Variants in CACNA2D3 observed in about 807,000 individuals in gnomAD.
The protein encoded by CACNA2D3 is calcium voltage-gated channel auxiliary subunit alpha2delta 3, also known as voltage-dependent calcium channel subunit alpha-2/delta-3.
Under a neutral mutation model 160.6 loss-of-function variants are expected in CACNA2D3, and 60 were observed. The ratio of observed to expected loss-of-function variants is 0.37; its 90% CI spans 0.30 to 0.46. The LOEUF (loss-of-function observed/expected upper bound fraction) is 0.46. Ranked by LOEUF, CACNA2D3 falls within the 20% of genes least tolerant of loss-of-function variation. The probability of loss-of-function intolerance (pLI) is 1.00; values close to 1 mark genes in which losing one functional copy is unlikely to be tolerated. For synonymous variants in CACNA2D3, 558 were observed against 492.9 expected, an observed-to-expected ratio of 1.13 and a Z score of -1.75; for missense variants, 1,205 against 1,365.0, an observed-to-expected ratio of 0.88 and a Z score of 1.85.
intron 2 of CACNA2D3, among the ~76,000 whole-genome samples, chr3:54,141,071 G>GTGTGTA (rs1424827688): frequency 3.2e-5 from 4 of 126,482 alleles, no homozygotes; most frequent in Non-Finnish European, 6.4e-5. Context: ...CTGTGTGTGT[G>GTGTGTA]TGTGTGTGTG....
intron 2 of CACNA2D3, among the ~76,000 whole-genome samples, chr3:54,310,811 C>T (rs1339487270): frequency 1.3e-5 from 2 of 152,200 alleles, no homozygotes; most frequent in Non-Finnish European, 2.9e-5. Context: ...GCGTACTTTA[C>T]ACACTTCACA....
chr3:54,536,182 A>T (rs1436293466), intron 5 of CACNA2D3, among the ~76,000 whole-genome samples: 1 of 152,156 alleles, frequency 6.6e-6, no homozygotes, highest in Non-Finnish European at 1.5e-5. Context: ...CTAGTGAAAA[A>T]CTGCCAGGCT....
chr3:54,283,939 G>A (rs1026004316), intron 2 of CACNA2D3, among the ~76,000 whole-genome samples: 12 of 152,154 alleles, frequency 7.9e-5, no homozygotes, highest in African/African-American at 2.9e-4. Context: ...GTGCGTGGCT[G>A]TAGTCCCAGC....
At chr3:54,288,440 C>A (rs544112264) in intron 2 of CACNA2D3, among the ~76,000 whole-genome samples, 6 of 152,086 alleles carry the variant, frequency 3.9e-5, no homozygotes, top group South Asian at 2.1e-4. Flanking sequence ...ATAGCTTACC[C>A]ACCAAAAAGA....
rs181602980 is a variant in CACNA2D3, at chr3:54,152,281, G to C, written c.204+28687G>C. Among the ~76,000 whole-genome samples the C allele has an allele frequency of 1.4e-3, 215 of 152,226 alleles. 1 individual carries two copies. The highest frequency in any genetic ancestry group is 4.9e-3 in the African/African-American group (203 of 41,554). ...GGGGCATTGTGCTGTGGTTGAGTGCGCTACACGCCACACCTGTGGATTTCG... is the reference window on the plus strand; with the variant it reads ...GGGGCATTGTGCTGTGGTTGAGTGCCCTACACGCCACACCTGTGGATTTCG... On this transcript the variant is annotated intron_variant, in intron 2 of 37. Coordinates refer to ENST00000474759, the MANE Select transcript of CACNA2D3 (RefSeq NM_018398.3).
chr3:54,464,238 A>C (rs941066461), intron 4 of CACNA2D3, among the ~76,000 whole-genome samples: 6 of 152,182 alleles, frequency 3.9e-5, no homozygotes, highest in African/African-American at 1.4e-4. Flanking sequence ...GACCCACTTG[A>C]GGAGGCAGTC....
chr3:54,277,395 G>T (rs1487207042), intron 2 of CACNA2D3, among the ~76,000 whole-genome samples: 2 of 152,094 alleles, frequency 1.3e-5, no homozygotes, highest in African/African-American at 2.4e-5. Flanking sequence ...ATCCTTTCCC[G>T]ATTGCTTGTT....
chr3:54,549,025 CT>C (rs1284139975), intron 5 of CACNA2D3, among the ~76,000 whole-genome samples: 3 of 152,302 alleles, frequency 2.0e-5, no homozygotes, highest in African/African-American at 7.2e-5. Context: ...AAGCAAATTC[CT>C]TTTCCCTGTC....
At chr3:54,379,419 T>TA in intron 3 of CACNA2D3, among the ~76,000 whole-genome samples, 1 of 152,308 alleles carries the variant, frequency 6.6e-6, no homozygotes, top group East Asian at 1.9e-4. Flanking sequence ...AATCGAAAAG[T>TA]AAAAAACATT....
At chr3:54,216,433 G>A (rs773010078) in intron 2 of CACNA2D3, among the ~76,000 whole-genome samples, 9 of 152,186 alleles carry the variant, frequency 5.9e-5, no homozygotes, top group Non-Finnish European at 1.2e-4. Context: ...TTGAAATCTG[G>A]TGCTTTTTAA....
intron 4 of CACNA2D3, among the ~76,000 whole-genome samples, chr3:54,483,459 C>T (rs369692826): frequency 1.3e-5 from 2 of 152,156 alleles, no homozygotes; most frequent in Admixed American, 6.5e-5. Context: ...TTTTCTCTTG[C>T]CACAGAGCAG....
intron 9 of CACNA2D3, among the ~76,000 whole-genome samples, chr3:54,620,188 AT>A (rs1339740637): frequency 6.6e-6 from 1 of 152,202 alleles, no homozygotes. Context: ...CCTGCTCGTC[AT>A]TTAGGCTGAT....
chr3:54,782,386 G>A (rs1161362941), intron 13 of CACNA2D3, among the ~76,000 whole-genome samples: 4 of 152,088 alleles, frequency 2.6e-5, no homozygotes, highest in Non-Finnish European at 5.9e-5. Context: ...ACATAATATT[G>A]TTTAGCACTA....
At chr3:54,795,020 T>C (rs776878134) in intron 13 of CACNA2D3, among the ~76,000 whole-genome samples, 3 of 152,162 alleles carry the variant, frequency 2.0e-5, no homozygotes, top group East Asian at 1.9e-4. Context: ...TCCTGGACTT[T>C]TAACTGCACA....
At chr3:54,138,231 C>A (rs1386920773) in intron 2 of CACNA2D3, among the ~76,000 whole-genome samples, 1 of 152,214 alleles carries the variant, frequency 6.6e-6, no homozygotes, top group African/African-American at 2.4e-5. Flanking sequence ...TTTGCCTCTT[C>A]CTTTGCCAGC....
chr3:54,351,107 A>G (rs1698556918), intron 3 of CACNA2D3, among the ~76,000 whole-genome samples: 1 of 149,142 alleles, frequency 6.7e-6, no homozygotes, highest in African/African-American at 2.5e-5. Flanking sequence ...TCAGCTTCTC[A>G]AGTAGCTGGG....
intron 17 of CACNA2D3, among the ~76,000 whole-genome samples, chr3:54,857,354 A>G (rs1056206339): frequency 2.6e-5 from 4 of 152,162 alleles, no homozygotes; most frequent in Non-Finnish European, 4.4e-5. Context: ...TATGTGTAGC[A>G]TGGCTCATAC....
chr3:55,017,006 T>G (rs1703339795), intron 34 of CACNA2D3, among the ~76,000 whole-genome samples: 1 of 152,134 alleles, frequency 6.6e-6, no homozygotes. Flanking sequence ...GGACAAAATA[T>G]CTCCCCGTAG....
intron 27 of CACNA2D3, among the ~76,000 whole-genome samples, chr3:54,927,616 C>T (rs1371724871): frequency 1.3e-5 from 2 of 152,068 alleles, no homozygotes; most frequent in African/African-American, 4.8e-5. Context: ...CTTTTCCCCC[C>T]AAAGGAATAA....
Sources: gnomAD v4.1 joint callset for allele counts (sites outside exome capture counted in the v4.1 genomes callset) on GRCh38, gnomAD v4.1.1 for gene constraint, MANE v1.5 for transcripts, NCBI Gene and HGNC (gene_info 2026-07-23, HGNC 2026-07-21) for gene names.